Variants in LRP1B observed in about 807,000 individuals in gnomAD.
LRP1B encodes LDL receptor related protein 1B.
Under a neutral mutation model 556.6 loss-of-function variants are expected in LRP1B, and 217 were observed. That is an observed-to-expected ratio of 0.39 (90% CI 0.35 to 0.44). The LOEUF (loss-of-function observed/expected upper bound fraction) is 0.44, where lower values mean the gene tolerates loss of function less well. Among genes scored for constraint, LRP1B ranks in the 20% least tolerant of loss-of-function variants. The pLI, the probability that LRP1B is intolerant of heterozygous loss-of-function variation, is 1.00. For missense variants in LRP1B, 5,053 were observed against 5,620.8 expected (o/e 0.90, Z 3.23); for synonymous variants, 2,047 against 1,865.8 (o/e 1.10, Z -2.50).
chr2:141,110,634 C>A, intron 7 of LRP1B, among the ~76,000 whole-genome samples: 1 of 126,916 alleles, frequency 7.9e-6, no homozygotes, highest in East Asian at 3.8e-4. Context: ...AGTTTGTAAT[C>A]ATGATTTTTT....
At chr2:140,619,408 T>C (rs564582004) in intron 41 of LRP1B, among the ~76,000 whole-genome samples, 8 of 152,260 alleles carry the variant, frequency 5.3e-5, no homozygotes, top group Admixed American at 4.6e-4. Context: ...AACATTTTGC[T>C]AGATGGAAAT....
intron 37 of LRP1B, among the ~76,000 whole-genome samples, chr2:140,711,474 G>A (rs1010314934): frequency 2.6e-5 from 4 of 151,890 alleles, no homozygotes; most frequent in African/African-American, 7.3e-5. Flanking sequence ...AGGCCTCACC[G>A]CCTGATTGGT....
intron 86 of LRP1B, among the ~76,000 whole-genome samples, chr2:140,250,650 A>G (rs1392754370): frequency 6.6e-6 from 1 of 151,540 alleles, no homozygotes; most frequent in Non-Finnish European, 1.5e-5. Context: ...TTTATGTTCC[A>G]GACTAGAATA....
At chr2:142,108,130 A>G (rs1706822575) in intron 1 of LRP1B, among the ~76,000 whole-genome samples, 1 of 151,280 alleles carries the variant, frequency 6.6e-6, no homozygotes, top group Non-Finnish European at 1.5e-5. Context: ...CTGAAAATCA[A>G]ATATAAATCT....
intron 67 of LRP1B, 102 bp from the exon 68 acceptor site, chr2:140,378,388 GGTTA>G (rs1050087804): frequency 1.4e-5 from 9 of 624,802 alleles, no homozygotes; most frequent in African/African-American, 1.1e-4. Flanking sequence ...AAAAAAAAGA[GGTTA>G]GTCAGACAGA....
chr2:141,644,762 C>CACACACACACAT (rs397774024), intron 2 of LRP1B, among the ~76,000 whole-genome samples: 1 of 147,146 alleles, frequency 6.8e-6, no homozygotes, highest in South Asian at 2.2e-4. Flanking sequence ...CACACACACA[C>CACACACACACAT]GCATACACAT....
In LRP1B at chr2:140,908,176, T is replaced by C. The variant is rs1028867491; in HGVS notation, c.3320-99A>G. 4 of 902,996 alleles carry C rather than the reference T, an allele frequency of 4.4e-6. No individual in the cohort carries two copies. The African/African-American group carries it at 5.0e-5, about 11-fold the overall frequency. 55.9% of individuals were successfully genotyped at this position (902,996 alleles called of 1,614,324 possible). ...CTTCAGTCACAGGCAGAATTACTTG[T>C]CTTTAGCAAAAGAAAACAAAATCTA... On this transcript the variant is annotated intron_variant, in intron 21 of 90. Transcript: ENST00000389484.
rs1383561359 is a variant in LRP1B, at chr2:140,525,887, C to T, written c.7983G>A (p.Gly2661=). Residue 2661 remains glycine (G), a synonymous_variant, in exon 49 of 91, where the codon GGG becomes GGA. Transcript: ENST00000389484. ...LCVLPTWICD[G]SNDCGDYSDE... ...CTGAATAGTCTCCACAGTCATTAGA[C>T]CCGTCGCATATCCAGGTTGGCAGAA... is the stretch of plus-strand genomic sequence containing the variant. 1 of 1,612,328 alleles carries T rather than the reference C, an allele frequency of 6.2e-7. No homozygotes were observed. The highest frequency in any genetic ancestry group is 8.5e-7 in the Non-Finnish European group (1 of 1,178,858).
intron 84 of LRP1B, among the ~76,000 whole-genome samples, chr2:140,280,327 T>A (rs551073530): frequency 6.6e-6 from 1 of 151,658 alleles, no homozygotes; most frequent in Non-Finnish European, 1.5e-5. Context: ...AAGAAAAATA[T>A]AGATAAAAGA....
intron 29 of LRP1B, among the ~76,000 whole-genome samples, chr2:140,842,293 A>G (rs1692134242): frequency 7.9e-5 from 12 of 152,218 alleles, no homozygotes; most frequent in Admixed American, 7.2e-4. Context: ...GGGGCCTGGC[A>G]GTTCTGAGTC....
At chr2:141,025,892 A>C (rs80309090) in intron 11 of LRP1B, among the ~76,000 whole-genome samples, 2 of 152,066 alleles carry the variant, frequency 1.3e-5, no homozygotes, top group Admixed American at 6.6e-5. Flanking sequence ...AAACACTGAA[A>C]AGTATATATT....
chr2:141,342,700 C>A (rs1001774133), intron 3 of LRP1B, among the ~76,000 whole-genome samples: 4 of 152,052 alleles, frequency 2.6e-5, no homozygotes, highest in Non-Finnish European at 4.4e-5. Context: ...ACAAACAAAG[C>A]CTTCAAGAAA....
intron 41 of LRP1B, among the ~76,000 whole-genome samples, chr2:140,628,557 G>A (rs1381672896): frequency 1.4e-5 from 2 of 145,586 alleles, no homozygotes; most frequent in East Asian, 2.1e-4. Context: ...AAAAAATTAT[G>A]TCTATCCAAG....
At chr2:141,492,898 T>C (rs890870204) in intron 2 of LRP1B, among the ~76,000 whole-genome samples, 1 of 152,164 alleles carries the variant, frequency 6.6e-6, no homozygotes, top group African/African-American at 2.4e-5. Flanking sequence ...TAATTTCTTA[T>C]GGCATTCGAA....
intron 5 of LRP1B, among the ~76,000 whole-genome samples, chr2:141,244,739 A>G (rs192687070): frequency 2.6e-5 from 4 of 152,288 alleles, no homozygotes; most frequent in African/African-American, 9.6e-5. Flanking sequence ...GTACAAATAC[A>G]TTGGTTCAAA....
At chr2:141,809,581 A>G (rs938067408) in intron 2 of LRP1B, among the ~76,000 whole-genome samples, 2 of 152,056 alleles carry the variant, frequency 1.3e-5, no homozygotes, top group Admixed American at 1.3e-4. Flanking sequence ...TCATATTATT[A>G]TTTATAATTT....
chr2:141,113,944 T>G (rs570918660), intron 7 of LRP1B, among the ~76,000 whole-genome samples: 1 of 152,352 alleles, frequency 6.6e-6, no homozygotes, highest in African/African-American at 2.4e-5. Flanking sequence ...TAAAGCAACA[T>G]TATCTATTCC....
chr2:141,741,263 C>CTTTTTTTTTTTTTT (rs11326947), intron 2 of LRP1B, among the ~76,000 whole-genome samples: 12 of 57,982 alleles, frequency 2.1e-4, no homozygotes, highest in Non-Finnish European at 2.9e-4. Context: ...TACTGATTTC[C>CTTTTTTTTTTTTTT]TTTTTTTTTT....
intron 1 of LRP1B, among the ~76,000 whole-genome samples, chr2:142,116,876 A>C (rs1707293248): frequency 6.6e-6 from 1 of 152,168 alleles, no homozygotes. Context: ...ACAGCTTCCC[A>C]AGGAACAGAA....
Sources: allele counts gnomAD v4.1 joint callset (sites outside exome capture counted in the v4.1 genomes callset), GRCh38; gene constraint gnomAD v4.1.1; transcripts MANE v1.5; gene names NCBI Gene and HGNC (gene_info 2026-07-23, HGNC 2026-07-21).